Variants in GABRA3 observed in about 807,000 individuals in gnomAD.
GABRA3 encodes gamma-aminobutyric acid type A receptor subunit alpha3.
A neutral mutation model predicts 30.1 loss-of-function variants in GABRA3; 10 were observed. The ratio of observed to expected loss-of-function variants is 0.33; its 90% confidence interval spans 0.20 to 0.56. GABRA3 has a LOEUF of 0.56. GABRA3 is among the 20% of genes least tolerant of loss of function. The pLI, the probability that GABRA3 is intolerant of heterozygous loss-of-function variation, is 0.89. For missense variants in GABRA3, 233 were observed against 392.0 expected, an observed-to-expected ratio of 0.59 and a Z score of 3.42; for synonymous variants, 151 against 146.8, an observed-to-expected ratio of 1.03 and a Z score of -0.21.
chrX:152,245,425 A>G (rs775245862), intron 5 of GABRA3, among the ~76,000 whole-genome samples: 74 of 111,406 alleles, frequency 6.6e-4, no homozygotes, highest in African/African-American at 2.3e-3. Flanking sequence ...CAAGCAGCAC[A>G]TTAGTCACGA....
At chrX:152,337,665 CAAAA>C (rs1157364383) in intron 3 of GABRA3, among the ~76,000 whole-genome samples, 1 of 110,261 alleles carries the variant, frequency 9.1e-6, no homozygotes, top group Non-Finnish European at 1.9e-5. Context: ...CCTGTCTCTA[CAAAA>C]AATAAATATA....
At chrX:152,360,324 A>T (rs758382804) in intron 2 of GABRA3, among the ~76,000 whole-genome samples, 14 of 72,106 alleles carry the variant, frequency 1.9e-4, no homozygotes, top group Admixed American at 1.9e-3. Flanking sequence ...CCTCTCCAGC[A>T]CCTGTTGTTT....
At chrX:152,269,263 A>G (rs910172544) in intron 4 of GABRA3, among the ~76,000 whole-genome samples, 11 of 112,100 alleles carry the variant, frequency 9.8e-5, no homozygotes, top group African/African-American at 1.9e-4. Context: ...AATGCAAAAT[A>G]CCTAAAAATC....
chrX:152,348,456 G>C (rs1940424746), intron 2 of GABRA3, among the ~76,000 whole-genome samples: 1 of 111,540 alleles, frequency 9.0e-6, no homozygotes, highest in Non-Finnish European at 1.9e-5. Flanking sequence ...ATTCATCATT[G>C]AAAAATGAAA....
At chrX:152,240,363 C>G (rs1206134536) in intron 5 of GABRA3, among the ~76,000 whole-genome samples, 2 of 93,115 alleles carry the variant, frequency 2.1e-5, no homozygotes, top group African/African-American at 9.3e-5. Context: ...CTGAGAGATC[C>G]GCTGTTAGTC....
intron 5 of GABRA3, chrX:152,250,468 A>G (rs775466011): frequency 8.9e-6 from 1 of 111,758 alleles, no homozygotes; most frequent in South Asian, 3.7e-4. Flanking sequence ...TTACTATATT[A>G]TATATTATGC....
intron 3 of GABRA3, among the ~76,000 whole-genome samples, chrX:152,328,335 T>C (rs1164647612): frequency 9.0e-6 from 1 of 111,588 alleles, no homozygotes; most frequent in Admixed American, 9.5e-5. Flanking sequence ...GGGAATCCTC[T>C]CTAACTCATT....
At chrX:152,450,232 C>A (rs1460536803) in intron 1 of GABRA3, among the ~76,000 whole-genome samples, 2 of 110,262 alleles carry the variant, frequency 1.8e-5, no homozygotes, top group Non-Finnish European at 3.8e-5. Flanking sequence ...AACAGCCACC[C>A]TTCCCCCAGT....
intron 1 of GABRA3, among the ~76,000 whole-genome samples, chrX:152,438,676 T>C (rs968113171): frequency 2.7e-5 from 3 of 112,126 alleles, no homozygotes; most frequent in African/African-American, 9.7e-5. Context: ...TGATAATACA[T>C]GGAAAAATCT....
intron 1 of GABRA3, among the ~76,000 whole-genome samples, chrX:152,395,369 A>T (rs1369415017): frequency 9.0e-6 from 1 of 111,514 alleles, no homozygotes; most frequent in Non-Finnish European, 1.9e-5. Flanking sequence ...ACAGAAGGAG[A>T]TTATGTTTAT....
intron 1 of GABRA3, among the ~76,000 whole-genome samples, chrX:152,418,490 T>G (rs1274945837): frequency 1.8e-5 from 2 of 111,544 alleles, no homozygotes; most frequent in Admixed American, 9.5e-5. Flanking sequence ...AATGAAAATA[T>G]AGCAAATCAA....
intron 3 of GABRA3, among the ~76,000 whole-genome samples, chrX:152,319,832 C>CA (rs1354440797): frequency 9.0e-6 from 1 of 110,787 alleles, no homozygotes; most frequent in African/African-American, 3.3e-5. Flanking sequence ...ATACATCTGA[C>CA]AAAGGACTTA....
chrX:152,263,055 A>G (rs1244612825), intron 4 of GABRA3, among the ~76,000 whole-genome samples: 4 of 111,187 alleles, frequency 3.6e-5, no homozygotes, highest in African/African-American at 6.5e-5. Flanking sequence ...CAAAAGGGGG[A>G]AAAGCCCCTT....
chrX:152,205,415 G>A, intron 7 of GABRA3, among the ~76,000 whole-genome samples: 1 of 112,121 alleles, frequency 8.9e-6, no homozygotes, highest in East Asian at 2.8e-4. Context: ...ATAGGGAAAA[G>A]AAGGGTCTTT....
At chrX:152,171,722 A>G (rs766837459) in intron 9 of GABRA3, among the ~76,000 whole-genome samples, 2 of 111,895 alleles carry the variant, frequency 1.8e-5, no homozygotes, top group Non-Finnish European at 3.8e-5. Context: ...CCTTTGCTGC[A>G]TAAATAGCAT....
At chrX:152,210,289 T>C (rs11797732) in intron 6 of GABRA3, among the ~76,000 whole-genome samples, 30,371 of 111,040 alleles carry the variant, frequency 0.27, 3,557 homozygotes, top group African/African-American at 0.44. Context: ...AAAATGTAAA[T>C]TCTCCCATCT....
chrX:152,254,413 ACT>A (rs200562224), intron 5 of GABRA3, among the ~76,000 whole-genome samples: 5,927 of 108,461 alleles, frequency 0.055, 195 homozygotes, highest in Non-Finnish European at 0.09. Flanking sequence ...CTCTTCTCAT[ACT>A]CTCTTTCTTT....
At chrX:152,388,450 T>A (rs1157186069) in intron 1 of GABRA3, among the ~76,000 whole-genome samples, 3 of 111,654 alleles carry the variant, frequency 2.7e-5, no homozygotes, top group Non-Finnish European at 5.6e-5. Flanking sequence ...CTATAGATTC[T>A]CACCCTGCAT....
chrX:152,352,289 A>T (rs1233309746), intron 2 of GABRA3, among the ~76,000 whole-genome samples: 2 of 112,253 alleles, frequency 1.8e-5, no homozygotes, highest in East Asian at 5.6e-4. Context: ...AAATGGGGAT[A>T]ACAATAACCT....
Sources: allele counts gnomAD v4.1 joint callset (sites outside exome capture counted in the v4.1 genomes callset), GRCh38; gene constraint gnomAD v4.1.1; transcripts MANE v1.5; gene names NCBI Gene and HGNC (gene_info 2026-07-23, HGNC 2026-07-21).